COL15A1: variants seen among roughly 807,000 people sequenced by gnomAD.
COL15A1 encodes collagen alpha-1(XV) chain.
A neutral mutation model predicts 165.9 loss-of-function variants in COL15A1; 111 were observed. The observed-to-expected ratio is 0.67, with a 90% CI of 0.57 to 0.78. The LOEUF (loss-of-function observed/expected upper bound fraction) is 0.78. Among genes scored for constraint, COL15A1 ranks in the 30% least tolerant of loss-of-function variants. The probability of loss-of-function intolerance (pLI) is 0.00; values close to 1 mark genes in which losing one functional copy is unlikely to be tolerated. For missense variants in COL15A1, 1,745 were observed against 1,789.7 expected (o/e 0.98, Z 0.45); for synonymous variants, 659 against 674.8 (o/e 0.98, Z 0.36).
At position 99,066,896 on chromosome 9, in the gene COL15A1, T is replaced by C. The variant is rs1825902786; in HGVS notation, c.3666T>C (p.Ala1222=). Residue 1222 remains alanine, a synonymous_variant, in exon 40 of 42, where the codon GCT becomes GCC. Coordinates refer to ENST00000375001, the MANE Select transcript of COL15A1 (RefSeq NM_001855.5). ...ACATTTTTCAGCTGCATTTGGCTGC[T>C]CTGAACATGCCATTTTCTGGGGACA... is the stretch of plus-strand genomic sequence containing the variant. ...NYEKPALHLA[A]LNMPFSGDIR... is the part of the protein sequence containing the mutation. The C allele has an allele frequency of 6.2e-7, 1 of 1,613,790 alleles. No individual in the cohort carries two copies. Among genetic ancestry groups the C allele is most frequent in the Non-Finnish European group, 8.5e-7 (1 of 1,179,874 alleles).
At chr9:99,017,584 T>C (rs1463404976) in intron 11 of COL15A1, among the ~76,000 whole-genome samples, 1 of 152,172 alleles carries the variant, frequency 6.6e-6, no homozygotes, top group African/African-American at 2.4e-5. Context: ...TGCAGGTGTC[T>C]GAGTCCAGTG....
At chr9:98,958,809 A>T (rs147594039) in intron 2 of COL15A1, among the ~76,000 whole-genome samples, 99 of 152,278 alleles carry the variant, frequency 6.5e-4, no homozygotes, top group African/African-American at 2.3e-3. Flanking sequence ...GCCTGGTCAC[A>T]GGAGCTTTGC....
In COL15A1 at chr9:99,022,106, G is replaced by C. The variant is rs1199562625; in HGVS notation, c.1717G>C (p.Glu573Gln). Residue 573 changes from glutamate (E) to glutamine (Q), a missense_variant, in exon 13 of 42, where the codon GAG (glutamate) becomes CAG (glutamine). Coordinates refer to ENST00000375001, the MANE Select transcript of COL15A1 (RefSeq NM_001855.5). ...TTCTCTTTAGGGTGATGCTGGGGAG[G>C]AGCTTCCTGGCCCTCCTGAACCTTC... ...PKGEKGDAGEELPGPPEPSGP... is the reference protein window; with the variant it reads ...PKGEKGDAGEQLPGPPEPSGP... 6 of 1,614,128 alleles carry C rather than the reference G, an allele frequency of 3.7e-6. No individual in the cohort carries two copies. Among genetic ancestry groups the C allele is most frequent in the African/African-American group, 1.3e-5 (1 of 75,026 alleles).
At chr9:98,951,560 AT>A in intron 2 of COL15A1, among the ~76,000 whole-genome samples, 1 of 152,204 alleles carries the variant, frequency 6.6e-6, no homozygotes, top group East Asian at 1.9e-4. Context: ...GGCTAGTGCC[AT>A]TTTTATTCTA....
chr9:98,952,906 A>C (rs1164510900), intron 2 of COL15A1, among the ~76,000 whole-genome samples: 1 of 152,206 alleles, frequency 6.6e-6, no homozygotes, highest in East Asian at 1.9e-4. Flanking sequence ...ATGTCGTTTT[A>C]AATCCATACA....
rs751305052 is a variant in COL15A1, at chr9:99,036,041, G to C, written c.2290-129G>C. 9.6e-6 allele frequency: 7 copies of C among 732,820 alleles called. No individual in the cohort carries two copies. The Admixed American group carries it at 1.5e-4, about 16-fold the overall frequency. 45.4% of individuals were successfully genotyped at this position (732,820 alleles called of 1,614,324 possible). On this transcript the variant is annotated intron_variant, in intron 19 of 41. Transcript: ENST00000375001. ...TCTGACTCCAGAAGGGGCATTTTTCGCTTATTCTTGGTTCCCATTGCCTGG... is the reference window on the plus strand; with the variant it reads ...TCTGACTCCAGAAGGGGCATTTTTCCCTTATTCTTGGTTCCCATTGCCTGG...
chr9:99,056,223 A>T, intron 34 of COL15A1, 37 bp from the exon 35 acceptor site: 1 of 1,607,034 alleles, frequency 6.2e-7, no homozygotes, highest in South Asian at 1.1e-5. Flanking sequence ...GTGATGAATG[A>T]TGCTTTCTCT....
At chr9:98,996,835 A>G in intron 5 of COL15A1, 99 bp from the exon 6 acceptor site, 1 of 1,535,562 alleles carries the variant, frequency 6.5e-7, no homozygotes. Flanking sequence ...TTTATTCAGC[A>G]TCTTGTGGAT....
At chr9:99,069,178 G>T (rs1193743678) in intron 41 of COL15A1, among the ~76,000 whole-genome samples, 6 of 152,274 alleles carry the variant, frequency 3.9e-5, no homozygotes, top group Admixed American at 6.5e-5. Context: ...AACCCACACA[G>T]CTCCTACTTT....
chr9:99,017,964 C>G (rs1257875359), intron 11 of COL15A1, among the ~76,000 whole-genome samples: 1 of 152,186 alleles, frequency 6.6e-6, no homozygotes, highest in Admixed American at 6.5e-5. Flanking sequence ...TGTTCCACCT[C>G]CTACCACCAT....
intron 35 of COL15A1, among the ~76,000 whole-genome samples, chr9:99,058,921 G>A (rs899636335): frequency 2.6e-5 from 4 of 152,162 alleles, no homozygotes; most frequent in Non-Finnish European, 5.9e-5. Context: ...ACTGGGGCTT[G>A]TAAAAACACC....
intron 2 of COL15A1, among the ~76,000 whole-genome samples, chr9:98,970,135 G>A (rs1393502346): frequency 6.6e-6 from 1 of 151,548 alleles, no homozygotes; most frequent in Non-Finnish European, 1.5e-5. Context: ...TTCGTGCCCA[G>A]GACATAGTAA....
Position 98,961,284 on chromosome 9 carries a change from GC to G in COL15A1, c.100+17035del, listed in dbSNP as rs995682277. Among the ~76,000 whole-genome samples the G allele has an allele frequency of 1.1e-3, 174 of 152,330 alleles. 1 individual carries two copies. The highest frequency in any genetic ancestry group is 4.0e-3 in the African/African-American group (165 of 41,570). On this transcript the variant is annotated intron_variant, in intron 2 of 41. Transcript: ENST00000375001. Reference sequence around the variant, plus strand: ...CTATAGTCTAATGGGGGACATTGATGCTAAATAAAGGATTGTACAAAAAGAC... The same window carrying G: ...CTATAGTCTAATGGGGGACATTGATGTAAATAAAGGATTGTACAAAAAGAC...
intron 5 of COL15A1, among the ~76,000 whole-genome samples, chr9:98,993,588 G>T (rs942332041): frequency 6.6e-6 from 1 of 152,134 alleles, no homozygotes; most frequent in African/African-American, 2.4e-5. Context: ...GGTGTTTGGG[G>T]TCTCTTCTAC....
At chr9:99,031,019 G>A (rs1265135286) in intron 16 of COL15A1, among the ~76,000 whole-genome samples, 1 of 152,142 alleles carries the variant, frequency 6.6e-6, no homozygotes, top group Non-Finnish European at 1.5e-5. Context: ...TGGCCAGCAG[G>A]GAGGTGACAG....
chr9:98,968,512 C>T (rs909724022), intron 2 of COL15A1, among the ~76,000 whole-genome samples: 7 of 152,094 alleles, frequency 4.6e-5, no homozygotes, highest in African/African-American at 1.7e-4. Flanking sequence ...GGCCACATTG[C>T]CTCTTCCTCT....
intron 26 of COL15A1, 95 bp from the exon 27 acceptor site, chr9:99,047,691 C>A: frequency 7.7e-7 from 1 of 1,292,548 alleles, no homozygotes; most frequent in Non-Finnish European, 1.1e-6. Flanking sequence ...AGTGGATCAT[C>A]GTCACCACTG....
At chr9:98,970,682 G>A in intron 2 of COL15A1, among the ~76,000 whole-genome samples, 1 of 152,122 alleles carries the variant, frequency 6.6e-6, no homozygotes, top group African/African-American at 2.4e-5. Context: ...AATTGCTTGG[G>A]TGTATGTATA....
In COL15A1 at chr9:99,069,935, G is replaced by A. The variant is rs764462217; in HGVS notation, c.*49G>A. 3 of 1,415,322 alleles carry A rather than the reference G, an allele frequency of 2.1e-6. No homozygotes were observed. Among genetic ancestry groups the A allele is most frequent in the Non-Finnish European group, 2.9e-6 (3 of 1,024,602 alleles). The allele number at this position is 1,415,322 out of a possible 1,614,324, so 87.7% of individuals were successfully genotyped here. ...AGTTTTCAATTTTTTCTTATGTGAA[G>A]AGTTGACACTGAAATCTAAAATGTT... On this transcript the variant is annotated 3_prime_UTR_variant, in exon 42 of 42. Coordinates refer to ENST00000375001, the MANE Select transcript of COL15A1 (RefSeq NM_001855.5).
Sources: allele counts gnomAD v4.1 joint callset (sites outside exome capture counted in the v4.1 genomes callset), GRCh38; gene constraint gnomAD v4.1.1; transcripts MANE v1.5; gene names NCBI Gene and HGNC (gene_info 2026-07-23, HGNC 2026-07-21).